The following ADAMTS2 variants were observed in gnomAD, a reference collection of about 807,000 sequenced individuals.
The protein encoded by ADAMTS2 is ADAM metallopeptidase with thrombospondin type 1 motif 2.
Under a neutral mutation model 123.0 loss-of-function variants are expected in ADAMTS2, and 50 were observed. The ratio of observed to expected loss-of-function variants is 0.41; its 90% confidence interval spans 0.32 to 0.51. ADAMTS2 has a LOEUF of 0.51. Ranked by LOEUF, ADAMTS2 falls within the 20% of genes least tolerant of loss-of-function variation. ADAMTS2 has a pLI of 0.35. For synonymous variants in ADAMTS2, 678 were observed against 695.4 expected, an observed-to-expected ratio of 0.98 and a Z score of 0.39; for missense variants, 1,494 against 1,705.2, an observed-to-expected ratio of 0.88 and a Z score of 2.18.
intron 2 of ADAMTS2, among the ~76,000 whole-genome samples, chr5:179,335,769 A>G (rs1271090715): frequency 6.6e-6 from 1 of 152,182 alleles, no homozygotes; most frequent in Non-Finnish European, 1.5e-5. Flanking sequence ...TGAAACGTGA[A>G]GACACCCTAC....
chr5:179,200,823 A>G (rs915943742), intron 4 of ADAMTS2, among the ~76,000 whole-genome samples: 6 of 152,302 alleles, frequency 3.9e-5, no homozygotes, highest in Admixed American at 1.3e-4. Context: ...GGCGGAATAA[A>G]ACAAAAGGTC....
intron 21 of ADAMTS2, among the ~76,000 whole-genome samples, chr5:179,119,646 G>A (rs1381817681): frequency 4.6e-5 from 7 of 152,160 alleles, no homozygotes; most frequent in East Asian, 1.9e-4. Context: ...AGGCTTTCCC[G>A]GGGCTGGCCC....
intron 5 of ADAMTS2, among the ~76,000 whole-genome samples, chr5:179,164,918 T>A (rs560017563): frequency 9.9e-5 from 15 of 152,220 alleles, no homozygotes; most frequent in African/African-American, 3.6e-4. Context: ...TGCATGCCTC[T>A]AAGGACTCCT....
At chr5:179,153,320 G>T (rs557485477) in intron 9 of ADAMTS2, among the ~76,000 whole-genome samples, 171 bp downstream of exon 9, 1 of 152,264 alleles carries the variant, frequency 6.6e-6, no homozygotes, top group Non-Finnish European at 1.5e-5. Flanking sequence ...TGGGCTCAGG[G>T]TGCCTAGGGG....
intron 7 of ADAMTS2, 50 bp downstream of exon 7, chr5:179,154,764 G>T: frequency 6.8e-7 from 1 of 1,470,234 alleles, no homozygotes; most frequent in South Asian, 1.2e-5. Flanking sequence ...GCCAGGGCTG[G>T]GGATCCTAGG....
chr5:179,247,138 G>GT (rs2113462373), intron 3 of ADAMTS2, among the ~76,000 whole-genome samples: 1 of 152,156 alleles, frequency 6.6e-6, no homozygotes, highest in African/African-American at 2.4e-5. Context: ...GGCAAATAAC[G>GT]TAAGTAAAGC....
intron 12 of ADAMTS2, among the ~76,000 whole-genome samples, chr5:179,136,486 T>C (rs1465218238): frequency 6.6e-6 from 1 of 150,712 alleles, no homozygotes; most frequent in South Asian, 2.1e-4. Context: ...GCCAACATGG[T>C]GAAACCCGTC....
rs200210415 is a variant in ADAMTS2, at chr5:179,132,877, G to A, written c.2109C>T (p.Ile703=). The change falls in exon 14 of 22, where the codon ATC becomes ATT. Residue 703 remains isoleucine, a synonymous_variant. Coordinates refer to ENST00000251582, the MANE Select transcript of ADAMTS2 (RefSeq NM_014244.5). The surrounding 1 kb of genome is among the most constrained non-coding windows in gnomAD (Gnocchi z 6.1). ...ACTTGTCTTCCTGCTTGCTGGAGCC[G>A]ATCACACCGTCACAGCCCACCTTCT... is the stretch of plus-strand genomic sequence containing the variant. ...DCRKVGCDGV[I]GSSKQEDKCG... 2.2e-4 allele frequency: 360 copies of A among 1,613,702 alleles called. No individual in the cohort carries two copies. Among genetic ancestry groups the A allele is most frequent in the Admixed American group, 3.0e-4 (18 of 59,976 alleles).
chr5:179,323,554 G>A (rs1275059916), intron 2 of ADAMTS2, among the ~76,000 whole-genome samples: 1 of 152,202 alleles, frequency 6.6e-6, no homozygotes, highest in Non-Finnish European at 1.5e-5. Flanking sequence ...TTCTTAACCT[G>A]GGCTCCATAA....
intron 2 of ADAMTS2, among the ~76,000 whole-genome samples, chr5:179,287,100 T>C (rs1756041965): frequency 6.6e-6 from 1 of 152,032 alleles, no homozygotes; most frequent in Non-Finnish European, 1.5e-5. Flanking sequence ...CCACACAGAA[T>C]CGGAGCAGGC....
chr5:179,219,172 TG>T (rs1357347122), intron 3 of ADAMTS2, among the ~76,000 whole-genome samples: 1 of 152,132 alleles, frequency 6.6e-6, no homozygotes, highest in African/African-American at 2.4e-5. Flanking sequence ...TCCTCTCTGC[TG>T]GGAAAATGTG....
At chr5:179,231,689 A>G (rs1765414884) in intron 3 of ADAMTS2, among the ~76,000 whole-genome samples, 1 of 152,334 alleles carries the variant, frequency 6.6e-6, no homozygotes, top group Admixed American at 6.5e-5. Context: ...CGCAGCTGAC[A>G]TGGATCAATG....
chr5:179,250,532 G>C (rs1458851013), intron 3 of ADAMTS2, among the ~76,000 whole-genome samples: 2 of 152,134 alleles, frequency 1.3e-5, no homozygotes, highest in Non-Finnish European at 2.9e-5. Context: ...CAGCATATGT[G>C]AATTACAGCT....
intron 2 of ADAMTS2, among the ~76,000 whole-genome samples, chr5:179,336,558 G>T (rs575021471): frequency 2.8e-4 from 42 of 152,204 alleles, no homozygotes; most frequent in African/African-American, 9.1e-4. Context: ...AGTTTAAATG[G>T]GAGTGTCTCC....
chr5:179,306,207 A>G (rs931741151), intron 2 of ADAMTS2, among the ~76,000 whole-genome samples: 1 of 152,170 alleles, frequency 6.6e-6, no homozygotes, highest in Non-Finnish European at 1.5e-5. Context: ...CATAGACACA[A>G]AAATCCTCAG....
intron 3 of ADAMTS2, among the ~76,000 whole-genome samples, chr5:179,208,226 T>C (rs1764765289): frequency 1.4e-5 from 1 of 70,494 alleles, no homozygotes; most frequent in Admixed American, 1.5e-4. Flanking sequence ...AAAGGACTGG[T>C]GTCCCAGGTG....
chr5:179,180,628 A>G lies in ADAMTS2; in HGVS notation c.975+444T>C, dbSNP rs1465630504. ...GAGCCACTATCCCCCTGCCCTCATT[A>G]CCCAGAAAACTAACTCAGGACCGCT... On this transcript the variant is annotated intron_variant, in intron 5 of 21. Transcript: ENST00000251582. The surrounding 1 kb of genome is among the most constrained non-coding windows in gnomAD (Gnocchi z 4.6). 6.6e-6 allele frequency among the ~76,000 whole-genome samples: 1 copy of G among 151,912 alleles called. No homozygotes were observed. The highest frequency in any genetic ancestry group is 2.4e-5 in the African/African-American group (1 of 41,336).
At chr5:179,249,310 T>C (rs1030655607) in intron 3 of ADAMTS2, among the ~76,000 whole-genome samples, 8 of 151,776 alleles carry the variant, frequency 5.3e-5, no homozygotes, top group African/African-American at 1.9e-4. Context: ...AATAAAGATC[T>C]CAAATCAATA....
chr5:179,286,216 CAAAAAAAAAAAAAA>C (rs33951526), intron 2 of ADAMTS2, among the ~76,000 whole-genome samples: 1 of 66,050 alleles, frequency 1.5e-5, no homozygotes, highest in Non-Finnish European at 2.8e-5. Context: ...ACTCTTGTCT[CAAAAAAAAAAAAAA>C]AAAAAAAAAG....
Sources: allele counts gnomAD v4.1 joint callset (sites outside exome capture counted in the v4.1 genomes callset), GRCh38; gene constraint gnomAD v4.1.1; non-coding constraint Gnocchi (gnomAD v3.1); transcripts MANE v1.5; gene names NCBI Gene and HGNC (gene_info 2026-07-23, HGNC 2026-07-21).